Variants in FMN1 observed in about 807,000 individuals in gnomAD.
FMN1 encodes formin-1.
Under a neutral mutation model 132.4 loss-of-function variants are expected in FMN1, and 110 were observed. The ratio of observed to expected loss-of-function variants is 0.83; its 90% CI spans 0.71 to 0.97. FMN1 has a LOEUF of 0.97. Among genes scored for constraint, FMN1 ranks in the 50% least tolerant of loss-of-function variants. FMN1 has a pLI of 0.00. For missense variants in FMN1, 1,792 were observed against 1,705.3 expected, an observed-to-expected ratio of 1.05 and a Z score of -0.90; for synonymous variants, 722 against 651.7, an observed-to-expected ratio of 1.11 and a Z score of -1.64.
chr15:32,883,253 G>A (rs186969249), intron 16 of FMN1, among the ~76,000 whole-genome samples: 13 of 152,140 alleles, frequency 8.5e-5, no homozygotes, highest in Middle Eastern at 3.4e-3. Context: ...CTGTAATCCT[G>A]GCACTATGGG....
chr15:33,140,342 A>AATTG (rs1566948200), intron 4 of FMN1, among the ~76,000 whole-genome samples: 9 of 151,672 alleles, frequency 5.9e-5, no homozygotes, highest in Admixed American at 5.9e-4. Flanking sequence ...AAATAAAGTT[A>AATTG]CCCTTGAACT....
intron 6 of FMN1, among the ~76,000 whole-genome samples, chr15:33,024,333 G>A (rs963396887): frequency 2.9e-5 from 4 of 139,260 alleles, no homozygotes; most frequent in Admixed American, 7.9e-5. Flanking sequence ...TGCAAGCTCC[G>A]CCTACTGGGT....
chr15:32,878,809 T>A (rs1199051989), intron 16 of FMN1, among the ~76,000 whole-genome samples: 1 of 152,224 alleles, frequency 6.6e-6, no homozygotes, highest in Admixed American at 6.5e-5. Flanking sequence ...TTTATTTCAA[T>A]ATTTTATGTT....
chr15:32,997,455 T>C (rs2033840809), intron 7 of FMN1, among the ~76,000 whole-genome samples: 1 of 151,950 alleles, frequency 6.6e-6, no homozygotes, highest in African/African-American at 2.4e-5. Context: ...TGAATACATA[T>C]CAAATTTAGA....
intron 5 of FMN1, among the ~76,000 whole-genome samples, chr15:33,065,485 C>T (rs2037682735): frequency 6.6e-6 from 1 of 152,196 alleles, no homozygotes; most frequent in African/African-American, 2.4e-5. Context: ...ATTTCAAGAA[C>T]ATCAGTGGTA....
At chr15:32,986,188 C>A (rs894796187) in intron 7 of FMN1, among the ~76,000 whole-genome samples, 6 of 152,036 alleles carry the variant, frequency 3.9e-5, no homozygotes, top group Non-Finnish European at 7.4e-5. Flanking sequence ...CAGGAAGAGG[C>A]AGAAGTTTCT....
intron 6 of FMN1, among the ~76,000 whole-genome samples, chr15:33,009,585 T>C (rs1200550350): frequency 1.3e-5 from 2 of 152,226 alleles, no homozygotes; most frequent in Non-Finnish European, 2.9e-5. Flanking sequence ...AAAACAATAA[T>C]AAAGGATTTC....
chr15:33,064,062 CACTGGA>C (rs2037606133), intron 6 of FMN1: 3 of 152,212 alleles, frequency 2.0e-5, no homozygotes, highest in African/African-American at 7.2e-5. Context: ...TGTTCTCAAT[CACTGGA>C]GTAATTTGAT....
At chr15:32,988,590 G>C (rs955947487) in intron 7 of FMN1, among the ~76,000 whole-genome samples, 13 of 152,178 alleles carry the variant, frequency 8.5e-5, no homozygotes, top group Admixed American at 2.0e-4. Flanking sequence ...TAAATGATGG[G>C]GCAATGGACT....
At chr15:32,849,056 T>G (rs550210358) in intron 17 of FMN1, among the ~76,000 whole-genome samples, 1 of 139,558 alleles carries the variant, frequency 7.2e-6, no homozygotes, top group Non-Finnish European at 1.5e-5. Flanking sequence ...CAATCTCGGC[T>G]CACTGCAAGC....
At chr15:32,960,809 A>T (rs2030426496) in intron 9 of FMN1, among the ~76,000 whole-genome samples, 1 of 151,966 alleles carries the variant, frequency 6.6e-6, no homozygotes, top group Non-Finnish European at 1.5e-5. Flanking sequence ...CAACCTGGCC[A>T]ACTTGGTGAA....
rs150365573 is a variant in FMN1 at position 33,143,083 on chromosome 15, A to G, written c.1867+9965T>C. 9.2e-5 allele frequency among the ~76,000 whole-genome samples: 14 copies of G among 152,308 alleles called. No individual in the cohort carries two copies. The East Asian group carries it at 2.5e-3, about 27-fold the overall frequency. On this transcript the variant is annotated intron_variant, in intron 4 of 20. Coordinates refer to ENST00000616417, the MANE Select transcript of FMN1 (RefSeq NM_001277313.2). ...TCTGGTAAAGCCAATCATATGTTGT[A>G]AAGTTATTCCATTTAAAAGATCAGT...
intron 6 of FMN1, among the ~76,000 whole-genome samples, chr15:33,041,712 T>G (rs958041837): frequency 6.6e-6 from 1 of 151,624 alleles, no homozygotes; most frequent in African/African-American, 2.4e-5. Flanking sequence ...GGTAAATAAG[T>G]GTTGTCAAGG....
rs1383564849 is a variant in FMN1 at position 32,904,435 on chromosome 15, T to C, written c.3378-2395A>G. On this transcript the variant is annotated intron_variant, in intron 12 of 20. Coordinates refer to ENST00000616417, the MANE Select transcript of FMN1 (RefSeq NM_001277313.2). ...GGAAGGTGACAGTTTCTGCTTTTTG[T>C]TGTAGAAAATCTCCATGGCAGCAGC... Among the ~76,000 whole-genome samples, 6 of 152,292 alleles carry C rather than the reference T, an allele frequency of 3.9e-5. No homozygotes were observed. In the East Asian group the frequency reaches 1.2e-3, roughly 29 times the overall value.
intron 17 of FMN1, among the ~76,000 whole-genome samples, chr15:32,826,499 A>G (rs2058370688): frequency 6.6e-6 from 1 of 152,252 alleles, no homozygotes; most frequent in Non-Finnish European, 1.5e-5. Context: ...AGGAAATTAA[A>G]GGAAGATTTA....
intron 7 of FMN1, among the ~76,000 whole-genome samples, chr15:32,992,896 G>C (rs2033526477): frequency 6.6e-6 from 1 of 152,256 alleles, no homozygotes; most frequent in East Asian, 1.9e-4. Context: ...CTATTCACTA[G>C]ACCAAGTAAT....
At chr15:33,096,321 G>T (rs1337499216) in intron 4 of FMN1, among the ~76,000 whole-genome samples, 3 of 152,142 alleles carry the variant, frequency 2.0e-5, no homozygotes, top group Non-Finnish European at 4.4e-5. Flanking sequence ...CAATAAGGCT[G>T]GTCTAGTCGT....
At chr15:32,864,029 A>G (rs976205611) in intron 16 of FMN1, among the ~76,000 whole-genome samples, 2 of 152,186 alleles carry the variant, frequency 1.3e-5, no homozygotes, top group African/African-American at 4.8e-5. Context: ...CTTACAATTA[A>G]TAAAATATTA....
intron 4 of FMN1, among the ~76,000 whole-genome samples, chr15:33,126,550 T>G (rs903024353): frequency 2.0e-5 from 3 of 151,954 alleles, no homozygotes; most frequent in Admixed American, 1.3e-4. Flanking sequence ...AAAAACTCCA[T>G]AGATTTAGCT....
Sources: allele counts gnomAD v4.1 joint callset (sites outside exome capture counted in the v4.1 genomes callset), GRCh38; gene constraint gnomAD v4.1.1; transcripts MANE v1.5; gene names NCBI Gene and HGNC (gene_info 2026-07-23, HGNC 2026-07-21).